ANK1: variants seen among roughly 807,000 people sequenced by gnomAD.
The protein encoded by ANK1 is ankyrin-1.
ANK1 carries 51 observed loss-of-function variants against 210.4 expected under a neutral mutation model. The ratio of observed to expected loss-of-function variants is 0.24; its 90% CI spans 0.19 to 0.31. The LOEUF is 0.31. Among genes scored for constraint, ANK1 ranks in the 10% least tolerant of loss-of-function variants. The pLI is 1.00. For missense variants in ANK1, 2,051 were observed against 2,504.4 expected, an observed-to-expected ratio of 0.82 and a Z score of 3.86; for synonymous variants, 967 against 1,025.9, an observed-to-expected ratio of 0.94 and a Z score of 1.10.
In ANK1 at chr8:41,890,721, AAAAAG is replaced by A. The variant is rs1819270370; in HGVS notation, c.126+5629_126+5633del. 3.3e-5 allele frequency among the ~76,000 whole-genome samples: 5 copies of A among 151,608 alleles called. No homozygotes were observed. In the South Asian group the frequency reaches 6.3e-4, roughly 19 times the overall value. Reference sequence around the variant, plus strand: ...GAGACTCCGTCTCAAAAAAAAAAAAAAAAAGAAAAAAGAAAAAAAGAAAAGAAGAA... The same window carrying A: ...GAGACTCCGTCTCAAAAAAAAAAAAAAAAAAAGAAAAAAAGAAAAGAAGAA... On this transcript the variant is annotated intron_variant, in intron 1 of 42. Coordinates refer to the ANK1 transcript ENST00000265709.
At chr8:41,701,714 T>G in intron 21 of ANK1, 92 bp from the exon 22 acceptor site, 1 of 1,304,980 alleles carries the variant, frequency 7.7e-7, no homozygotes. Flanking sequence ...CCTGTGGGGT[T>G]TCCCACAAAT....
At chr8:41,797,643 G>A, upstream of ANK1, 9 of 1,546,884 alleles carry the variant, frequency 5.8e-6, no homozygotes, top group South Asian at 3.6e-5. The surrounding 1 kb of genome is among the most constrained non-coding windows in gnomAD (Gnocchi z 4.0). Context: ...TGACGTGCGG[G>A]CCAGGCCCCC....
intron 1 of ANK1, chr8:41,896,224 C>T: frequency 7.7e-7 from 1 of 1,304,066 alleles, no homozygotes; most frequent in Non-Finnish European, 9.9e-7. Flanking sequence ...CGAGCCTTCC[C>T]CGCTCGGGTG....
At chr8:41,830,164 T>C (rs1468365829) in intron 1 of ANK1, among the ~76,000 whole-genome samples, 1 of 151,456 alleles carries the variant, frequency 6.6e-6, no homozygotes, top group Non-Finnish European at 1.5e-5. Context: ...CAAGGGGCAC[T>C]GCAGTTCTCT....
At position 41,776,937 on chromosome 8, in the gene ANK1, A is replaced by G. The variant is rs567932644; in HGVS notation, c.28-18800T>C. Among the ~76,000 whole-genome samples, 26 of 152,364 alleles carry G rather than the reference A, an allele frequency of 1.7e-4. No individual in the cohort carries two copies. The South Asian group carries it at 5.4e-3, about 32-fold the overall frequency. On this transcript the variant is annotated intron_variant, in intron 1 of 42. Coordinates refer to ENST00000289734, the MANE Select transcript of ANK1 (RefSeq NM_000037.4). ...CCAAGGAAACAAGAGCAGGTGTCAC[A>G]CATAATACTTCACACAGGGCTCATC...
Position 41,696,654 on chromosome 8 carries a change from G to A in ANK1, c.2735+22C>T, listed in dbSNP as rs375705166. On this transcript the variant is annotated intron_variant, in intron 25 of 42. Transcript: ENST00000289734. ...CTCGGAGATGGAGACAGGAGTCCCC[G>A]AGCCCTGCGCCCGCCACTCACCCTG... 1.5e-4 allele frequency: 244 copies of A among 1,606,096 alleles called. No individual in the cohort carries two copies. The Middle Eastern group carries it at 4.8e-3, about 32-fold the overall frequency.
In ANK1 at chr8:41,661,850, TCCTCCAGGGGCC is replaced by T. The variant is rs1808367670; in HGVS notation, c.5544+14_5544+25del. 1 of 1,613,952 alleles carries T rather than the reference TCCTCCAGGGGCC, an allele frequency of 6.2e-7. No homozygotes were observed. The highest frequency in any genetic ancestry group is 8.5e-7 in the Non-Finnish European group (1 of 1,180,004). ...AATATCGACCTCCAGCTCACTGGGA[TCCTCCAGGGGCC>T]CCTCTACAGTCACCTCCTCGTGCTC... is the stretch of plus-strand genomic sequence containing the variant. On this transcript the variant is annotated intron_variant, in intron 41 of 42. Transcript: ENST00000289734.
chr8:41,846,629 A>G (rs1810112172), intron 1 of ANK1, among the ~76,000 whole-genome samples: 1 of 152,230 alleles, frequency 6.6e-6, no homozygotes, highest in Non-Finnish European at 1.5e-5. Context: ...CCCAAAACAC[A>G]TTGAGTCTCT....
intron 2 of ANK1, among the ~76,000 whole-genome samples, chr8:41,746,950 C>T (rs1836339400): frequency 1.3e-5 from 2 of 151,816 alleles, no homozygotes; most frequent in South Asian, 4.1e-4. Flanking sequence ...CTAAACTGTC[C>T]TTATCTATGA....
intron 1 of ANK1, among the ~76,000 whole-genome samples, chr8:41,791,194 GTTTTTTTTT>G (rs71239082): frequency 4.3e-5 from 3 of 70,146 alleles, no homozygotes; most frequent in East Asian, 4.5e-4. Context: ...TACTAACTTT[GTTTTTTTTT>G]TTTTTTTTTT....
chr8:41,747,055 G>A (rs774352482), intron 2 of ANK1, among the ~76,000 whole-genome samples: 5 of 152,062 alleles, frequency 3.3e-5, no homozygotes, highest in African/African-American at 4.8e-5. Flanking sequence ...ATAAGACAAC[G>A]TAACAGCTTG....
chr8:41,747,485 T>C (rs929769663), intron 2 of ANK1, among the ~76,000 whole-genome samples: 6 of 152,198 alleles, frequency 3.9e-5, no homozygotes, highest in Non-Finnish European at 7.3e-5. Context: ...TCACACAGAA[T>C]TGCATTTATC....
chr8:41,684,428 C>A, intron 37 of ANK1, 116 bp downstream of exon 37: 2 of 1,482,194 alleles, frequency 1.3e-6, no homozygotes, highest in South Asian at 2.3e-5. Flanking sequence ...GACCTCCCAC[C>A]AATGGGAGGC....
intron 31 of ANK1, among the ~76,000 whole-genome samples, chr8:41,691,393 A>T (rs66593272): frequency 0.099 from 15,006 of 152,240 alleles, 1,630 homozygotes; most frequent in African/African-American, 0.27. Context: ...TGAGGCTGAA[A>T]GAGAAAAACC....
At chr8:41,734,135 G>C (rs1832855317) in intron 2 of ANK1, 66 bp from the exon 3 acceptor site, 1 of 1,378,234 alleles carries the variant, frequency 7.3e-7, no homozygotes, top group African/African-American at 1.4e-5. Context: ...CGTCCCAGTG[G>C]GGGCCCAGGC....
chr8:41,775,147 G>A (rs1379598102), intron 1 of ANK1, among the ~76,000 whole-genome samples: 1 of 152,008 alleles, frequency 6.6e-6, no homozygotes, highest in Non-Finnish European at 1.5e-5. Context: ...CCAGGCGTTG[G>A]ACAGCCCTGC....
Position 41,723,152 on chromosome 8 carries a change from G to C in ANK1, c.882C>G (p.His294Gln). 6.2e-7 allele frequency: 1 copy of C among 1,614,166 alleles called. No homozygotes were observed. Among genetic ancestry groups the C allele is most frequent in the East Asian group, 2.2e-5 (1 of 44,870 alleles). ...TGGTTTTGGCTTGGATTGGTGCCCC[G>C]TGGTCCAGCAGGATCTCTGAGATTC... The part of the protein sequence containing the change: ...HVRISEILLD[H>Q]GAPIQAKTKN... Residue 294 changes from histidine to glutamine, a missense_variant, in exon 9 of 43, where the codon CAC (histidine) becomes CAG (glutamine). Transcript: ENST00000289734.
intron 1 of ANK1, among the ~76,000 whole-genome samples, chr8:41,824,634 A>C (rs183584050): frequency 5.3e-5 from 8 of 152,290 alleles, no homozygotes; most frequent in Non-Finnish European, 7.3e-5. Context: ...TGGGTCACGA[A>C]TTCTAAATAA....
chr8:41,862,713 A>G (rs1001248663), intron 1 of ANK1, among the ~76,000 whole-genome samples: 16 of 151,680 alleles, frequency 1.1e-4, no homozygotes, highest in African/African-American at 3.9e-4. Context: ...AGGGGAAAAA[A>G]GAAAAACCAC....
Sources: allele counts gnomAD v4.1 joint callset (sites outside exome capture counted in the v4.1 genomes callset), GRCh38; gene constraint gnomAD v4.1.1; non-coding constraint Gnocchi (gnomAD v3.1); transcripts MANE v1.5; gene names NCBI Gene and HGNC (gene_info 2026-07-23, HGNC 2026-07-21).